The following NDEL1 variants were observed in gnomAD, a reference collection of about 807,000 sequenced individuals.
NDEL1 encodes nuclear distribution protein nudE-like 1.
Under a neutral mutation model 45.7 loss-of-function variants are expected in NDEL1, and 9 were observed. That is an observed-to-expected ratio of 0.20 (90% CI 0.12 to 0.34). The LOEUF (loss-of-function observed/expected upper bound fraction) is 0.34. NDEL1 is among the 10% of genes least tolerant of loss of function. The pLI, the probability that NDEL1 is intolerant of heterozygous loss-of-function variation, is 1.00. For missense variants in NDEL1, 306 were observed against 406.2 expected (o/e 0.75, Z 2.12); for synonymous variants, 133 against 158.6 (o/e 0.84, Z 1.21).
At chr17:8,473,951 T>A (rs1912067952) in intron 3 of NDEL1, among the ~76,000 whole-genome samples, 1 of 152,196 alleles carries the variant, frequency 6.6e-6, no homozygotes, top group Non-Finnish European at 1.5e-5. Flanking sequence ...CCCTCCTAAA[T>A]CACTCCCTTG....
intron 3 of NDEL1, 61 bp downstream of exon 3, chr17:8,445,925 G>C: frequency 7.4e-7 from 1 of 1,344,270 alleles, no homozygotes; most frequent in Non-Finnish European, 9.7e-7. Context: ...TGAGAAATAT[G>C]TTTTTCAGGT....
chr17:8,450,991 A>T (rs1910467225), intron 6 of NDEL1, 38 bp downstream of exon 6: 1 of 1,586,498 alleles, frequency 6.3e-7, no homozygotes, highest in Admixed American at 1.9e-5. Flanking sequence ...GATGTGTTAG[A>T]TGATCAGCTT....
intron 1 of NDEL1, among the ~76,000 whole-genome samples, chr17:8,428,929 T>A (rs1471328670): frequency 6.6e-6 from 1 of 152,190 alleles, no homozygotes; most frequent in Non-Finnish European, 1.5e-5. Flanking sequence ...TGCCTTGGCC[T>A]CCCAAAGTGC....
chr17:8,413,833 T>A (rs1320672444), intron 1 of NDEL1, among the ~76,000 whole-genome samples: 1 of 152,246 alleles, frequency 6.6e-6, no homozygotes, highest in Admixed American at 6.5e-5. Flanking sequence ...TTTTGTAAAC[T>A]GTATGATTGT....
upstream of NDEL1, among the ~76,000 whole-genome samples, chr17:8,430,860 A>G (rs1361003119): frequency 1.3e-5 from 2 of 152,070 alleles, no homozygotes. Flanking sequence ...GCTGGGGCAA[A>G]GGTTGCTGAT....
In NDEL1 at chr17:8,458,684, T is replaced by C. The variant is rs542322590; in HGVS notation, c.793-1325T>C. ...TCATTTTAGTAGGTCATTGTACTTT[T>C]GTCATAGGAAAGAAGGAGAAGAAAA... On this transcript the variant is annotated intron_variant, in intron 7 of 8. Transcript: ENST00000334527. Among the ~76,000 whole-genome samples the C allele has an allele frequency of 5.3e-4, 81 of 152,276 alleles. 1 individual carries two copies. Among genetic ancestry groups the C allele is most frequent in the African/African-American group, 1.9e-3 (77 of 41,564 alleles).
chr17:8,426,825 C>G (rs991128158), intron 1 of NDEL1, among the ~76,000 whole-genome samples: 6 of 152,190 alleles, frequency 3.9e-5, no homozygotes, highest in Non-Finnish European at 7.3e-5. Context: ...CTTGAAACCT[C>G]AGTTTACCCC....
chr17:8,415,129 G>A (rs56260126), intron 1 of NDEL1, among the ~76,000 whole-genome samples: 1 of 142,184 alleles, frequency 7.0e-6, no homozygotes, highest in Non-Finnish European at 1.5e-5. Flanking sequence ...CCTCCCTCCT[G>A]CCTCTTCTCT....
rs1910249136 is a variant in NDEL1 at position 8,448,565 on chromosome 17, A to C, written c.405A>C (p.Ser135=). The C allele has an allele frequency of 6.2e-7, 1 of 1,612,904 alleles. No individual in the cohort carries two copies. Among genetic ancestry groups the C allele is most frequent in the Non-Finnish European group, 8.5e-7 (1 of 1,179,580 alleles). Residue 135 remains serine, a synonymous_variant, in exon 5 of 9, where the codon TCA becomes TCC. Transcript: ENST00000334527. ...TTCTTTTTAGGGCAACAATAGTTTC[A>C]CTGGAAGACTTTGAACAAAGGCTAA... ...LERAKRATIV[S]LEDFEQRLNQ...
intron 1 of NDEL1, among the ~76,000 whole-genome samples, chr17:8,420,276 G>A (rs571175254): frequency 6.6e-5 from 10 of 152,288 alleles, no homozygotes; most frequent in Admixed American, 2.0e-4. Flanking sequence ...AAGCACTTAC[G>A]AGAGTTAAGT....
intron 1 of NDEL1, among the ~76,000 whole-genome samples, chr17:8,427,018 A>G (rs1356203983): frequency 6.6e-6 from 1 of 152,234 alleles, no homozygotes; most frequent in Non-Finnish European, 1.5e-5. Flanking sequence ...AAGGGAGCCA[A>G]GGGCCAGAAG....
intron 1 of NDEL1, among the ~76,000 whole-genome samples, chr17:8,417,878 T>G (rs746550399): frequency 9.2e-5 from 14 of 152,226 alleles, no homozygotes; most frequent in Non-Finnish European, 1.8e-4. Flanking sequence ...CTTCTCCTGC[T>G]GGGGTGGGAG....
chr17:8,447,040 C>T (rs902092128), intron 4 of NDEL1, 138 bp downstream of exon 4: 35 of 1,055,848 alleles, frequency 3.3e-5, no homozygotes, highest in South Asian at 5.0e-5. Flanking sequence ...ACTCATCGGA[C>T]GGAAGGGAAC....
At position 8,448,706 on chromosome 17, in the gene NDEL1, G is replaced by A; in HGVS notation, c.526+20G>A. 1 of 1,598,688 alleles carries A rather than the reference G, an allele frequency of 6.3e-7. No individual in the cohort carries two copies. The highest frequency in any genetic ancestry group is 8.5e-7 in the Non-Finnish European group (1 of 1,169,936). ...CAAGAGGTAAAATTTATAACTTAAAGAATACAGTTGACCCTTGAACAACAT... is the reference window on the plus strand; with the variant it reads ...CAAGAGGTAAAATTTATAACTTAAAAAATACAGTTGACCCTTGAACAACAT... On this transcript the variant is annotated intron_variant, in intron 5 of 8. Coordinates refer to ENST00000334527, the MANE Select transcript of NDEL1 (RefSeq NM_030808.5).
intron 3 of NDEL1, among the ~76,000 whole-genome samples, chr17:8,473,798 C>T (rs529086656): frequency 1.3e-5 from 2 of 152,350 alleles, no homozygotes; most frequent in African/African-American, 4.8e-5. Context: ...TTGGCCCGCA[C>T]TAGAGAGGCT....
At chr17:8,463,633 G>A (rs1007711019) in intron 8 of NDEL1, among the ~76,000 whole-genome samples, 1 of 152,234 alleles carries the variant, frequency 6.6e-6, no homozygotes, top group Non-Finnish European at 1.5e-5. Flanking sequence ...GCGCTGTAGT[G>A]TTGATTTCAG....
chr17:8,416,333 C>T (rs1908544950), intron 1 of NDEL1, among the ~76,000 whole-genome samples: 1 of 152,114 alleles, frequency 6.6e-6, no homozygotes, highest in Non-Finnish European at 1.5e-5. Flanking sequence ...ATTTTCTTCC[C>T]TGTTTTGGTG....
At chr17:8,454,989 A>T (rs1910738803) in intron 7 of NDEL1, 102 bp downstream of exon 7, 2 of 1,132,722 alleles carry the variant, frequency 1.8e-6, no homozygotes, top group East Asian at 4.9e-5. Context: ...TTCCTGTGGT[A>T]AAGGCTGTCA....
downstream of NDEL1, among the ~76,000 whole-genome samples, chr17:8,471,845 C>T (rs184370668): frequency 5.1e-4 from 77 of 152,248 alleles, 1 homozygote; most frequent in African/African-American, 1.6e-3. Flanking sequence ...TGACTTAGGA[C>T]GGCATTTTGG....
Sources: gnomAD v4.1 joint callset for allele counts (sites outside exome capture counted in the v4.1 genomes callset) on GRCh38, gnomAD v4.1.1 for gene constraint, MANE v1.5 for transcripts, NCBI Gene and HGNC (gene_info 2026-07-23, HGNC 2026-07-21) for gene names.